ZFPM2: variants seen among roughly 807,000 people sequenced by gnomAD.
The protein encoded by ZFPM2 is zinc finger protein, FOG family member 2, also known as zinc finger protein ZFPM2.
In ZFPM2, 20 loss-of-function variants were observed where a neutral mutation model predicts 98.6. The ratio of observed to expected loss-of-function variants is 0.20; its 90% CI spans 0.14 to 0.29. The LOEUF is 0.29. Ranked by LOEUF, ZFPM2 falls within the 10% of genes least tolerant of loss-of-function variation. The pLI, the probability that ZFPM2 is intolerant of heterozygous loss-of-function variation, is 1.00. For missense variants in ZFPM2, 1,310 were observed against 1,388.6 expected (o/e 0.94, Z 0.90); for synonymous variants, 518 against 502.7 (o/e 1.03, Z -0.41).
At chr8:105,390,554 CTT>C (rs1165359124) in intron 1 of ZFPM2, among the ~76,000 whole-genome samples, 1 of 152,088 alleles carries the variant, frequency 6.6e-6, no homozygotes, top group Admixed American at 6.5e-5. Context: ...TTAATTGACT[CTT>C]TGCCAACATG....
At position 105,691,342 on chromosome 8, in the gene ZFPM2, G is replaced by A. The variant is rs867303866; in HGVS notation, c.532+56985G>A. ...CGGCTCACTGCAAGCTCCGCTTCCC[G>A]GGTTCACGCCATTCTCCTGCCTCAG... On this transcript the variant is annotated intron_variant, in intron 5 of 7. Transcript: ENST00000407775. Among the ~76,000 whole-genome samples, 150 of 136,358 alleles carry A rather than the reference G, an allele frequency of 1.1e-3. 12 individuals carry two copies. The Middle Eastern group carries it at 0.02, about 18-fold the overall frequency. 89.5% of individuals were successfully genotyped at this position (136,358 alleles called of 152,430 possible).
At chr8:105,411,772 C>A (rs1300194075) in intron 1 of ZFPM2, among the ~76,000 whole-genome samples, 1 of 151,750 alleles carries the variant, frequency 6.6e-6, no homozygotes, top group Non-Finnish European at 1.5e-5. Context: ...CACTAACTTC[C>A]TGGGTCAATG....
chr8:105,350,887 A>G (rs1812628136), intron 1 of ZFPM2, among the ~76,000 whole-genome samples: 1 of 152,066 alleles, frequency 6.6e-6, no homozygotes, highest in South Asian at 2.1e-4. Flanking sequence ...CAGATAGAAA[A>G]TGACATAGTA....
intron 2 of ZFPM2, among the ~76,000 whole-genome samples, chr8:105,426,229 T>A (rs1563653065): frequency 2.0e-5 from 3 of 152,152 alleles, no homozygotes; most frequent in Admixed American, 6.5e-5. Flanking sequence ...CATATAACAT[T>A]GACATTTCCA....
intron 3 of ZFPM2, among the ~76,000 whole-genome samples, chr8:105,487,487 A>G (rs1813252983): frequency 2.0e-5 from 3 of 152,156 alleles, no homozygotes; most frequent in African/African-American, 7.2e-5. Context: ...TGCAAACTCC[A>G]TGGTTCTACA....
intron 1 of ZFPM2, among the ~76,000 whole-genome samples, chr8:105,373,317 A>G (rs1333696528): frequency 1.3e-5 from 2 of 152,224 alleles, no homozygotes; most frequent in East Asian, 3.8e-4. Context: ...CAGGTACATC[A>G]AGAAATCATT....
At chr8:105,464,606 G>A (rs1032239064) in intron 3 of ZFPM2, among the ~76,000 whole-genome samples, 1 of 151,996 alleles carries the variant, frequency 6.6e-6, no homozygotes, top group African/African-American at 2.4e-5. Flanking sequence ...ATGCAGATTA[G>A]GCCTCAGAAG....
intron 5 of ZFPM2, among the ~76,000 whole-genome samples, chr8:105,668,851 T>A (rs1817534553): frequency 6.6e-6 from 1 of 152,300 alleles, no homozygotes; most frequent in South Asian, 2.1e-4. Flanking sequence ...TAATCATATT[T>A]TAACTTTATT....
chr8:105,466,291 A>G (rs1162960286), intron 3 of ZFPM2, among the ~76,000 whole-genome samples: 3 of 152,064 alleles, frequency 2.0e-5, no homozygotes, highest in Non-Finnish European at 4.4e-5. Flanking sequence ...TTTATGTGGT[A>G]CTGGAAAAAA....
At chr8:105,442,416 A>G (rs562156623) in intron 2 of ZFPM2, among the ~76,000 whole-genome samples, 1 of 152,152 alleles carries the variant, frequency 6.6e-6, no homozygotes, top group African/African-American at 2.4e-5. Context: ...TCATTTGTCA[A>G]CTTACCCTCT....
At chr8:105,562,750 G>A (rs1213596099) in intron 4 of ZFPM2, among the ~76,000 whole-genome samples, 1 of 152,116 alleles carries the variant, frequency 6.6e-6, no homozygotes, top group Admixed American at 6.6e-5. Context: ...ATTACACTGT[G>A]TCTGCCTGGG....
intron 2 of ZFPM2, among the ~76,000 whole-genome samples, chr8:105,431,014 C>T: frequency 6.6e-6 from 1 of 151,720 alleles, no homozygotes; most frequent in Non-Finnish European, 1.5e-5. Context: ...AGCGATTCTC[C>T]TGCCTCAGCC....
chr8:105,727,710 C>A (rs1428830694), intron 5 of ZFPM2, among the ~76,000 whole-genome samples: 1 of 151,436 alleles, frequency 6.6e-6, no homozygotes, highest in Non-Finnish European at 1.5e-5. Context: ...GGATACTGAG[C>A]CAGAAAATAA....
Position 105,596,175 on chromosome 8 carries a change from A to T in ZFPM2, c.420+34694A>T, listed in dbSNP as rs561213055. Among the ~76,000 whole-genome samples, 204 of 152,204 alleles carry T rather than the reference A, an allele frequency of 1.3e-3. 1 individual carries two copies. The highest frequency in any genetic ancestry group is 3.1e-3 in the South Asian group (15 of 4,830). On this transcript the variant is annotated intron_variant, in intron 4 of 7. Transcript: ENST00000407775. ...GAAGAGCAGGTTGTAAGTTGTGTGAATGAAAATATGTTTGGCTCTCTGATC... is the reference window on the plus strand; with the variant it reads ...GAAGAGCAGGTTGTAAGTTGTGTGATTGAAAATATGTTTGGCTCTCTGATC...
intron 5 of ZFPM2, among the ~76,000 whole-genome samples, chr8:105,758,111 A>G (rs932063967): frequency 6.6e-6 from 1 of 152,142 alleles, no homozygotes; most frequent in Non-Finnish European, 1.5e-5. Context: ...TTGCTTATTA[A>G]TAATATAAAT....
At chr8:105,384,106 A>G (rs561299521) in intron 1 of ZFPM2, among the ~76,000 whole-genome samples, 1 of 152,266 alleles carries the variant, frequency 6.6e-6, no homozygotes, top group African/African-American at 2.4e-5. Context: ...CACTCACTGT[A>G]GACACAATCC....
chr8:105,606,096 A>G (rs1816190960), intron 4 of ZFPM2, among the ~76,000 whole-genome samples: 1 of 152,140 alleles, frequency 6.6e-6, no homozygotes, highest in Non-Finnish European at 1.5e-5. Context: ...ATTCTCACAT[A>G]TTTTTATTTA....
intron 3 of ZFPM2, among the ~76,000 whole-genome samples, chr8:105,531,315 C>T (rs768333421): frequency 2.1e-4 from 32 of 152,208 alleles, no homozygotes; most frequent in Non-Finnish European, 4.3e-4. Flanking sequence ...GGGTGATGTT[C>T]CCTCTGAACT....
At chr8:105,792,784 A>G (rs1359281402) in intron 6 of ZFPM2, among the ~76,000 whole-genome samples, 5 of 152,148 alleles carry the variant, frequency 3.3e-5, no homozygotes, top group Admixed American at 2.6e-4. Flanking sequence ...TTGGGTGCAT[A>G]TATATTTAGG....
Sources: allele counts gnomAD v4.1 joint callset (sites outside exome capture counted in the v4.1 genomes callset), GRCh38; gene constraint gnomAD v4.1.1; transcripts MANE v1.5; gene names NCBI Gene and HGNC (gene_info 2026-07-23, HGNC 2026-07-21).